GAS6: variants seen among roughly 807,000 people sequenced by gnomAD.
The protein encoded by GAS6 is growth arrest specific 6, also known as growth arrest-specific protein 6.
In GAS6, 41 loss-of-function variants were observed where a neutral mutation model predicts 75.8. That is an observed-to-expected ratio of 0.54 (90% CI 0.42 to 0.70). GAS6 has a LOEUF of 0.70. GAS6 is among the 30% of genes least tolerant of loss of function. The pLI, the probability that GAS6 is intolerant of heterozygous loss-of-function variation, is 0.00. For missense variants in GAS6, 854 were observed against 940.2 expected (o/e 0.91, Z 1.20); for synonymous variants, 432 against 412.6 (o/e 1.05, Z -0.57).
Position 113,827,236 on chromosome 13 carries a change from G to A in GAS6, c.1309-72C>T. The A allele has an allele frequency of 5.9e-6, 9 of 1,531,870 alleles. No individual in the cohort carries two copies. In the South Asian group the frequency reaches 9.3e-5, roughly 16 times the overall value. The allele number at this position is 1,531,870 out of a possible 1,614,324, so 94.9% of individuals were successfully genotyped here. A position where few individuals can be genotyped will look rare whatever the true frequency, so the allele number is the denominator to read the frequency against. ...CCATGCCGGATGCCCCAGTCGGTGG[G>A]TGGCGCCTTCGCGGCCCTGGTATGT... On this transcript the variant is annotated intron_variant, in intron 11 of 14. Transcript: ENST00000327773.
intron 5 of GAS6, among the ~76,000 whole-genome samples, chr13:113,838,620 C>CG (rs2051743020): frequency 3.8e-5 from 4 of 104,446 alleles, no homozygotes; most frequent in South Asian, 4.3e-4. Flanking sequence ...GGGAGGGAGC[C>CG]CGGGGGTGCA....
At chr13:113,833,195 G>GCTGA in intron 8 of GAS6, 2 of 1,116,022 alleles carry the variant, frequency 1.8e-6, no homozygotes, top group Non-Finnish European at 2.2e-6. Flanking sequence ...GCCGGTGTGA[G>GCTGA]CTGACACCCC....
At chr13:113,847,993 G>A (rs1368420819) in intron 3 of GAS6, 33 bp downstream of exon 3, 5 of 1,597,928 alleles carry the variant, frequency 3.1e-6, no homozygotes, top group South Asian at 1.1e-5. Context: ...ATGCCTCTAC[G>A]ACAACCAGAG....
intron 11 of GAS6, among the ~76,000 whole-genome samples, chr13:113,827,914 ACT>A (rs2051571799): frequency 6.6e-6 from 1 of 152,018 alleles, no homozygotes; most frequent in South Asian, 2.1e-4. Flanking sequence ...CCCTTATGAG[ACT>A]CACGGCAGAG....
chr13:113,843,274 G>A (rs191400018), intron 4 of GAS6: 1 of 163,968 alleles, frequency 6.1e-6, no homozygotes, highest in East Asian at 1.7e-4. Flanking sequence ...TTCAGGAGGT[G>A]AAGGGTTTAT....
In GAS6 at chr13:113,863,658, G is replaced by A. The variant is rs1214498470; in HGVS notation, c.172C>T (p.Gln58Ter). The A allele has an allele frequency of 6.6e-7, 1 of 1,523,358 alleles. No individual in the cohort carries two copies. Among genetic ancestry groups the A allele is most frequent in the Non-Finnish European group, 8.8e-7 (1 of 1,135,330 alleles). 94.4% of individuals were successfully genotyped at this position (1,523,358 alleles called of 1,614,324 possible). The change falls in exon 2 of 15, where the codon CAG (glutamine) becomes TAG (stop). Residue 58 changes from glutamine (Q) to a stop codon, truncating the protein, a stop_gained. Coordinates refer to ENST00000327773, the MANE Select transcript of GAS6 (RefSeq NM_000820.4). LOFTEE classifies it high-confidence loss of function. The surrounding 1 kb of genome is among the most constrained non-coding windows in gnomAD (Gnocchi z 9.4). ...RAFQVFEEAK[Q>*]GHLERECVEE... is the part of the protein sequence containing the mutation. ...ACGCACTCCCTCTCCAGGTGGCCCT[G>A]CTTGGCCTCCTCGAAGACCTGAAAG...
At chr13:113,853,377 C>T (rs1396311809) in intron 2 of GAS6, among the ~76,000 whole-genome samples, 2 of 152,232 alleles carry the variant, frequency 1.3e-5, no homozygotes, top group Admixed American at 1.3e-4. Flanking sequence ...GGGCCACAGT[C>T]CCCGCAGAGC....
chr13:113,821,084 A>AC, intron 14 of GAS6, 66 bp from the exon 15 acceptor site: 1 of 1,540,812 alleles, frequency 6.5e-7, no homozygotes. Flanking sequence ...TGGCCCCCCC[A>AC]CCCCCGGCAG....
At chr13:113,832,938 C>T (rs572295292) in intron 8 of GAS6, 186 bp from the exon 9 acceptor site, 28 of 1,480,500 alleles carry the variant, frequency 1.9e-5, no homozygotes, top group Middle Eastern at 1.8e-4. Context: ...AGGTGAAGGG[C>T]GGGCTTGCAG....
chr13:113,836,886 G>C (rs2051722487), intron 6 of GAS6, among the ~76,000 whole-genome samples: 1 of 121,242 alleles, frequency 8.2e-6, no homozygotes, highest in East Asian at 2.7e-4. Context: ...AGGAGGAGGG[G>C]GAGTGGGGAA....
intron 12 of GAS6, among the ~76,000 whole-genome samples, chr13:113,826,046 G>T (rs932867472): frequency 3.9e-5 from 6 of 152,190 alleles, no homozygotes; most frequent in Admixed American, 1.3e-4. Flanking sequence ...GGGCCCACGT[G>T]GGGTGGGAAT....
In GAS6 at chr13:113,821,024, C is replaced by A; in HGVS notation, c.1883-6G>T. 6.2e-7 allele frequency: 1 copy of A among 1,612,100 alleles called. No homozygotes were observed. Among genetic ancestry groups the A allele is most frequent in the Non-Finnish European group, 8.5e-7 (1 of 1,179,690 alleles). On this transcript the variant is annotated splice_region_variant and splice_polypyrimidine_tract_variant and intron_variant, in intron 14 of 14. Coordinates refer to ENST00000327773, the MANE Select transcript of GAS6 (RefSeq NM_000820.4). ...CGCTGAAGTCACCGGCACATCTGGG[C>A]CGCAGGGAGAGAACAACATATCTTA...
chr13:113,835,421 C>G, intron 7 of GAS6, 92 bp downstream of exon 7: 3 of 1,462,230 alleles, frequency 2.1e-6, no homozygotes, highest in Non-Finnish European at 2.8e-6. Flanking sequence ...CCAGAAGCAC[C>G]CGGTTGTTAG....
chr13:113,861,523 A>G (rs575582333), intron 2 of GAS6, among the ~76,000 whole-genome samples: 1 of 152,206 alleles, frequency 6.6e-6, no homozygotes, highest in Non-Finnish European at 1.5e-5. Flanking sequence ...CTGGCCTTTG[A>G]CAGGGAGAAG....
chr13:113,828,172 G>A (rs375722895), intron 11 of GAS6, among the ~76,000 whole-genome samples: 4 of 152,146 alleles, frequency 2.6e-5, no homozygotes, highest in Admixed American at 6.5e-5. Flanking sequence ...GCTGAGGCAG[G>A]AGAATGGCGT....
chr13:113,844,772 A>G lies in GAS6; in HGVS notation c.343+1755T>C, dbSNP rs1196357917. ...TCTCCCAAATACCCAGCATATGAGG[A>G]CGGCAGCAGGTGAGGCACTGGGGTG... On this transcript the variant is annotated intron_variant, in intron 4 of 14. Coordinates refer to ENST00000327773, the MANE Select transcript of GAS6 (RefSeq NM_000820.4). This position sits in a 1 kb window ranked among gnomAD's most constrained non-coding sequence, Gnocchi z 5.7. 6.6e-6 allele frequency: 1 copy of G among 150,524 alleles called. No homozygotes were observed. The highest frequency in any genetic ancestry group is 1.5e-5 in the Non-Finnish European group (1 of 68,040). The allele number at this position is 150,524 out of a possible 1,614,324, so 9.3% of individuals were successfully genotyped here.
At position 113,820,628 on chromosome 13, in the gene GAS6, A is replaced by C; in HGVS notation, c.*236T>G. 2.0e-6 allele frequency: 1 copy of C among 497,668 alleles called. No homozygotes were observed. 30.8% of individuals were successfully genotyped at this position (497,668 alleles called of 1,614,324 possible). ...CGCTTGGTAATAAAAATAATAGAGA[A>C]TTATTTTCTTCGAGCCCGCTCTGCG... On this transcript the variant is annotated 3_prime_UTR_variant, in exon 15 of 15. Transcript: ENST00000327773.
At chr13:113,849,344 T>C (rs974780577) in intron 2 of GAS6, among the ~76,000 whole-genome samples, 1 of 152,056 alleles carries the variant, frequency 6.6e-6, no homozygotes. Flanking sequence ...ATTTTAGTCA[T>C]GGGTTGGCAA....
rs1181870369 is a variant in GAS6 at position 113,832,430 on chromosome 13, C to T, written c.1012G>A (p.Gly338Arg). The change falls in exon 10 of 15, where the codon GGA becomes AGA. Residue 338 changes from glycine (G) to arginine (R), a missense_variant. Gly to Arg is a moderately radical substitution (Grantham distance 125). Coordinates refer to ENST00000327773, the MANE Select transcript of GAS6 (RefSeq NM_000820.4). ...FDPEGILLFA[G>R]GHQDSTWIVL... is the part of the protein sequence containing the mutation. ...ATCCAGGTGCTGTCCTGGTGGCCTC[C>T]GGCAAAGAGGAGGATGCCCTCGGGG... is the stretch of plus-strand genomic sequence containing the variant. 2 of 1,609,700 alleles carry T rather than the reference C, an allele frequency of 1.2e-6. No homozygotes were observed. Among genetic ancestry groups the T allele is most frequent in the South Asian group, 1.1e-5 (1 of 90,954 alleles).
Sources: allele counts gnomAD v4.1 joint callset (sites outside exome capture counted in the v4.1 genomes callset), GRCh38; gene constraint gnomAD v4.1.1; non-coding constraint Gnocchi (gnomAD v3.1); transcripts MANE v1.5; gene names NCBI Gene and HGNC (gene_info 2026-07-23, HGNC 2026-07-21).